LARGE1: variants seen among roughly 807,000 people sequenced by gnomAD.
LARGE1 encodes the protein LARGE xylosyl- and glucuronyltransferase 1, also known as xylosyl- and glucuronyltransferase LARGE1.
Under a neutral mutation model 87.6 loss-of-function variants are expected in LARGE1, and 43 were observed. The ratio of observed to expected loss-of-function variants is 0.49; its 90% confidence interval spans 0.38 to 0.63. The LOEUF (loss-of-function observed/expected upper bound fraction) is 0.63, where lower values mean the gene tolerates loss of function less well. Ranked by LOEUF, LARGE1 falls within the 30% of genes least tolerant of loss-of-function variation. The pLI is 0.00. For missense variants in LARGE1, 802 were observed against 1,000.2 expected, an observed-to-expected ratio of 0.80 and a Z score of 2.67; for synonymous variants, 434 against 394.6, an observed-to-expected ratio of 1.10 and a Z score of -1.18.
intron 6 of LARGE1, among the ~76,000 whole-genome samples, chr22:33,550,174 C>T (rs899906909): frequency 3.1e-5 from 4 of 128,136 alleles, no homozygotes; most frequent in African/African-American, 5.2e-5. Flanking sequence ...CACACACACA[C>T]ACATATATAT....
chr22:33,626,364 A>G, intron 3 of LARGE1, 38 bp from the exon 4 acceptor site: 1 of 1,549,688 alleles, frequency 6.5e-7, no homozygotes, highest in East Asian at 2.2e-5. Flanking sequence ...AGTCAGACAG[A>G]CGGAAGGAGG....
At chr22:33,144,203 A>T in the LARGE1 span, among the ~76,000 whole-genome samples, 2 of 152,144 alleles carry the variant, frequency 1.3e-5, no homozygotes, top group African/African-American at 4.8e-5. Flanking sequence ...CAAAAAAGTG[A>T]TTGATGGCTT....
At chr22:33,666,338 A>G (rs1335196238) in intron 2 of LARGE1, among the ~76,000 whole-genome samples, 1 of 152,260 alleles carries the variant, frequency 6.6e-6, no homozygotes, top group Non-Finnish European at 1.5e-5. Context: ...AAAGGAAAGA[A>G]GAATCAGAAA....
intron 1 of LARGE1, among the ~76,000 whole-genome samples, chr22:33,886,212 C>G (rs907016398): frequency 3.3e-5 from 5 of 152,090 alleles, no homozygotes; most frequent in African/African-American, 1.2e-4. Flanking sequence ...AGTAAATTCC[C>G]ACCTCCCATT....
In LARGE1 at chr22:33,845,762, A is replaced by G. The variant is rs2063411812; in HGVS notation, c.-83+74233T>C. Reference sequence around the variant, plus strand: ...ACCCAATATCAGTAATTATCAAGTCATGATAATTACAGCCTTGTTTCCTCT... The same window carrying G: ...ACCCAATATCAGTAATTATCAAGTCGTGATAATTACAGCCTTGTTTCCTCT... On this transcript the variant is annotated intron_variant, in intron 1 of 14. Transcript: ENST00000397394. Among the ~76,000 whole-genome samples the G allele has an allele frequency of 2.6e-5, 4 of 152,194 alleles. No homozygotes were observed. In the South Asian group the frequency reaches 8.3e-4, roughly 32 times the overall value.
intron 7 of LARGE1, among the ~76,000 whole-genome samples, chr22:33,417,253 A>G (rs2066532647): frequency 6.6e-6 from 1 of 152,156 alleles, no homozygotes; most frequent in African/African-American, 2.4e-5. Flanking sequence ...CCAGGCACCT[A>G]GTATCTGCTG....
chr22:33,696,604 A>G (rs990216293), intron 2 of LARGE1, among the ~76,000 whole-genome samples: 3 of 152,166 alleles, frequency 2.0e-5, no homozygotes, highest in Non-Finnish European at 4.4e-5. Flanking sequence ...AACCATTTAT[A>G]TTCCCACCAG....
intron 2 of LARGE1, among the ~76,000 whole-genome samples, chr22:33,718,001 G>A (rs905193924): frequency 6.6e-6 from 1 of 152,008 alleles, no homozygotes. Context: ...TAATCTCCAG[G>A]TTCCTGCCAT....
intron 2 of LARGE1, among the ~76,000 whole-genome samples, chr22:33,721,964 T>A (rs778424694): frequency 9.2e-5 from 14 of 152,174 alleles, no homozygotes; most frequent in Non-Finnish European, 1.6e-4. Context: ...AAAAAATTAC[T>A]TTGTTGGCTG....
the LARGE1 span, among the ~76,000 whole-genome samples, chr22:33,126,027 C>T: frequency 1.2e-4 from 18 of 152,298 alleles, no homozygotes; most frequent in South Asian, 8.3e-4. Flanking sequence ...GGATTACAGG[C>T]GTGAGCCACA....
chr22:33,626,159 T>C (rs1389596275), intron 4 of LARGE1, 85 bp downstream of exon 4: 9 of 1,094,014 alleles, frequency 8.2e-6, no homozygotes, highest in Non-Finnish European at 1.3e-5. Flanking sequence ...ATGAGAAATT[T>C]TGCTCCTATT....
chr22:33,447,437 G>T (rs917326081), intron 6 of LARGE1, among the ~76,000 whole-genome samples: 1 of 152,046 alleles, frequency 6.6e-6, no homozygotes, highest in Non-Finnish European at 1.5e-5. Context: ...ACCAGGAGCC[G>T]GGAGGTGAGA....
At chr22:33,753,366 G>T (rs776205698) in intron 2 of LARGE1, among the ~76,000 whole-genome samples, 3 of 152,146 alleles carry the variant, frequency 2.0e-5, no homozygotes, top group Non-Finnish European at 2.9e-5. Flanking sequence ...GGGGATGGAG[G>T]AAGGCGTCAC....
chr22:33,571,765 C>T (rs1303779313), intron 5 of LARGE1, among the ~76,000 whole-genome samples: 2 of 152,116 alleles, frequency 1.3e-5, no homozygotes, highest in East Asian at 3.9e-4. Flanking sequence ...TGGTCCTTTT[C>T]CTTACCTCAA....
chr22:33,527,568 T>G (rs1033986694), intron 6 of LARGE1, among the ~76,000 whole-genome samples: 2 of 152,206 alleles, frequency 1.3e-5, no homozygotes, highest in African/African-American at 4.8e-5. Flanking sequence ...TCCCTCTTGC[T>G]GTCTTTCTCC....
chr22:33,904,721 C>T (rs983374326), intron 1 of LARGE1, among the ~76,000 whole-genome samples: 1 of 147,770 alleles, frequency 6.8e-6, no homozygotes, highest in Admixed American at 7.0e-5. Context: ...TTTAACATCA[C>T]TATGAGTTAG....
chr22:33,168,695 A>G (rs951290042), intron 11 of LARGE1, among the ~76,000 whole-genome samples: 6 of 152,218 alleles, frequency 3.9e-5, no homozygotes, highest in African/African-American at 1.4e-4. Context: ...TATTTACATA[A>G]CATTCCAAGT....
At chr22:33,349,783 A>C (rs537764108) in intron 9 of LARGE1, among the ~76,000 whole-genome samples, 2 of 152,138 alleles carry the variant, frequency 1.3e-5, no homozygotes, top group Non-Finnish European at 2.9e-5. Flanking sequence ...GGGTCCTGGT[A>C]CTCATAACTC....
At chr22:33,126,767 T>C in the LARGE1 span, among the ~76,000 whole-genome samples, 3 of 152,270 alleles carry the variant, frequency 2.0e-5, no homozygotes, top group Admixed American at 2.0e-4. Flanking sequence ...GCACACTTCA[T>C]GGAAGTTATA....
Sources: allele counts gnomAD v4.1 joint callset (sites outside exome capture counted in the v4.1 genomes callset), GRCh38; gene constraint gnomAD v4.1.1; transcripts MANE v1.5; gene names NCBI Gene and HGNC (gene_info 2026-07-23, HGNC 2026-07-21).